Variants in DGKB observed in about 807,000 individuals in gnomAD.
DGKB encodes the protein 90 kDa diacylglycerol kinase.
DGKB carries 67 observed loss-of-function variants against 114.3 expected under a neutral mutation model. That is an observed-to-expected ratio of 0.59 (90% CI 0.48 to 0.72). The LOEUF (loss-of-function observed/expected upper bound fraction) is 0.72, where lower values mean the gene tolerates loss of function less well. Among genes scored for constraint, DGKB ranks in the 30% least tolerant of loss-of-function variants. The probability of loss-of-function intolerance (pLI) is 0.00; values close to 1 mark genes in which losing one functional copy is unlikely to be tolerated. For synonymous variants in DGKB, 398 were observed against 323.1 expected, an observed-to-expected ratio of 1.23 and a Z score of -2.49; for missense variants, 907 against 975.2, an observed-to-expected ratio of 0.93 and a Z score of 0.93.
intron 23 of DGKB, among the ~76,000 whole-genome samples, chr7:14,206,864 T>C (rs1289405516): frequency 6.6e-6 from 1 of 152,060 alleles, no homozygotes; most frequent in Non-Finnish European, 1.5e-5. Context: ...AGCCAATCTC[T>C]GATAGGCTAA....
At chr7:14,806,316 C>T (rs1057188386) in intron 2 of DGKB, among the ~76,000 whole-genome samples, 2 of 151,952 alleles carry the variant, frequency 1.3e-5, no homozygotes, top group Non-Finnish European at 2.9e-5. Flanking sequence ...ATTATTACCT[C>T]ACATTGTACT....
At chr7:14,796,326 T>C (rs6461129) in intron 2 of DGKB, among the ~76,000 whole-genome samples, 64,483 of 151,940 alleles carry the variant, frequency 0.42, 16,067 homozygotes, top group African/African-American at 0.69. Flanking sequence ...GCCAACACCA[T>C]AGACACCTCA....
At chr7:14,948,830 G>A (rs11980887) in intron 1 of DGKB, among the ~76,000 whole-genome samples, 12,077 of 151,746 alleles carry the variant, frequency 0.08, 1,504 homozygotes, top group African/African-American at 0.27. Context: ...AGGGAATCTA[G>A]AAGATATGGG....
chr7:14,639,013 G>T (rs1284397200), intron 13 of DGKB, among the ~76,000 whole-genome samples: 1 of 151,972 alleles, frequency 6.6e-6, no homozygotes, highest in Admixed American at 6.6e-5. Flanking sequence ...ACTGCAGCCT[G>T]GGCAACAAGA....
At chr7:14,593,961 A>T (rs1802122146) in intron 17 of DGKB, among the ~76,000 whole-genome samples, 1 of 152,042 alleles carries the variant, frequency 6.6e-6, no homozygotes, top group South Asian at 2.1e-4. Context: ...TCTGCCTTTC[A>T]TGCCTTATTT....
chr7:14,310,234 C>A (rs141360549), intron 23 of DGKB, among the ~76,000 whole-genome samples: 1 of 152,172 alleles, frequency 6.6e-6, no homozygotes, highest in East Asian at 1.9e-4. Context: ...TGGAGAAGGA[C>A]ATCAGTATTG....
intron 1 of DGKB, among the ~76,000 whole-genome samples, chr7:14,892,564 T>C (rs1781417965): frequency 6.6e-6 from 1 of 151,134 alleles, no homozygotes; most frequent in Non-Finnish European, 1.5e-5. Context: ...TTAAGGTAAA[T>C]TGTTATCATT....
chr7:14,882,067 T>TAA (rs150465439), intron 1 of DGKB, among the ~76,000 whole-genome samples: 1 of 151,516 alleles, frequency 6.6e-6, no homozygotes, highest in African/African-American at 2.4e-5. Context: ...ATTTTTAACT[T>TAA]AAAAAAAAAT....
intron 2 of DGKB, among the ~76,000 whole-genome samples, chr7:14,775,221 T>C (rs1167764668): frequency 6.6e-6 from 1 of 151,758 alleles, no homozygotes; most frequent in Non-Finnish European, 1.5e-5. Context: ...TGTTAATATA[T>C]ATATATTCAT....
chr7:14,684,549 T>C (rs1821358379), intron 10 of DGKB, among the ~76,000 whole-genome samples: 1 of 152,160 alleles, frequency 6.6e-6, no homozygotes, highest in Admixed American at 6.5e-5. Flanking sequence ...ACTTAGGTGA[T>C]TTTATAAACT....
chr7:14,457,412 TTAAAG>T (rs1202881695), intron 21 of DGKB, among the ~76,000 whole-genome samples: 3 of 152,172 alleles, frequency 2.0e-5, no homozygotes, highest in Admixed American at 6.5e-5. Context: ...TAAAATGCTC[TTAAAG>T]TAAATATAGT....
At chr7:14,155,277 T>C (rs1173117210) in intron 25 of DGKB, among the ~76,000 whole-genome samples, 6 of 152,132 alleles carry the variant, frequency 3.9e-5, no homozygotes, top group Admixed American at 3.9e-4. Context: ...GTTAATGTAC[T>C]AGGTACCAGC....
chr7:14,633,536 C>T (rs1174107965), intron 13 of DGKB, among the ~76,000 whole-genome samples: 1 of 151,818 alleles, frequency 6.6e-6, no homozygotes. Context: ...GTACTTAGAT[C>T]TAAAAGAAAA....
intron 23 of DGKB, among the ~76,000 whole-genome samples, chr7:14,245,549 G>C (rs1794344580): frequency 6.6e-6 from 1 of 152,080 alleles, no homozygotes; most frequent in South Asian, 2.1e-4. Context: ...AAGACTAATG[G>C]TATAATGGGT....
chr7:14,871,090 C>CA (rs533319937), intron 1 of DGKB, among the ~76,000 whole-genome samples: 84 of 120 alleles, frequency 0.7, 38 homozygotes, highest in Non-Finnish European at 1. Flanking sequence ...GACTCCGTCT[C>CA]AAAAAAAAAA....
At chr7:14,214,893 C>A (rs1788706838) in intron 23 of DGKB, among the ~76,000 whole-genome samples, 1 of 152,140 alleles carries the variant, frequency 6.6e-6, no homozygotes, top group South Asian at 2.1e-4. Context: ...GTTTTAGAGT[C>A]AGAGTCACAC....
intron 25 of DGKB, among the ~76,000 whole-genome samples, chr7:14,151,080 C>T (rs927285129): frequency 4.6e-5 from 7 of 152,068 alleles, no homozygotes; most frequent in Admixed American, 6.6e-5. Context: ...AATCATTTTA[C>T]GCACAAATGT....
At chr7:14,453,811 C>T (rs1211184965) in intron 21 of DGKB, among the ~76,000 whole-genome samples, 1 of 152,072 alleles carries the variant, frequency 6.6e-6, no homozygotes, top group Non-Finnish European at 1.5e-5. Flanking sequence ...AACAAGTGAC[C>T]TTGGTTGTGT....
At chr7:14,562,546 C>T (rs1184525832) in intron 20 of DGKB, among the ~76,000 whole-genome samples, 1 of 152,180 alleles carries the variant, frequency 6.6e-6, no homozygotes. Flanking sequence ...TGGAGCTGTC[C>T]AAGGCCATGG....
Sources: gnomAD v4.1 joint callset for allele counts (sites outside exome capture counted in the v4.1 genomes callset) on GRCh38, gnomAD v4.1.1 for gene constraint, MANE v1.5 for transcripts, NCBI Gene and HGNC (gene_info 2026-07-23, HGNC 2026-07-21) for gene names.